The following SLC8A1 variants were observed in gnomAD, a reference collection of about 807,000 sequenced individuals.
SLC8A1 encodes the protein sodium/calcium exchanger 1.
Under a neutral mutation model 68.3 loss-of-function variants are expected in SLC8A1, and 18 were observed. The observed-to-expected ratio is 0.26, with a 90% CI of 0.18 to 0.39. SLC8A1 has a LOEUF of 0.39. SLC8A1 is among the 10% of genes least tolerant of loss of function. The probability of loss-of-function intolerance (pLI) is 1.00; values close to 1 mark genes in which losing one functional copy is unlikely to be tolerated. For synonymous variants in SLC8A1, 475 were observed against 415.5 expected (o/e 1.14, Z -1.74); for missense variants, 985 against 1,156.7 (o/e 0.85, Z 2.15).
At chr2:40,290,342 A>G (rs1031302425) in intron 2 of SLC8A1, among the ~76,000 whole-genome samples, 5 of 152,132 alleles carry the variant, frequency 3.3e-5, no homozygotes, top group Non-Finnish European at 4.4e-5. Context: ...TAGTTGACCC[A>G]TATATAGCAC....
intron 2 of SLC8A1, among the ~76,000 whole-genome samples, chr2:40,283,880 G>T (rs1055500865): frequency 6.6e-6 from 1 of 152,104 alleles, no homozygotes; most frequent in South Asian, 2.1e-4. Context: ...ATAAAAACTG[G>T]AACAGTCAGT....
chr2:40,194,185 A>C (rs2052469198), intron 2 of SLC8A1, among the ~76,000 whole-genome samples: 1 of 152,146 alleles, frequency 6.6e-6, no homozygotes, highest in Non-Finnish European at 1.5e-5. Flanking sequence ...TATTTTTATC[A>C]ACCGTGAGTA....
intron 2 of SLC8A1, among the ~76,000 whole-genome samples, chr2:40,408,032 A>G (rs1690921586): frequency 6.6e-6 from 1 of 152,224 alleles, no homozygotes; most frequent in Non-Finnish European, 1.5e-5. Context: ...ATAAAGTCAC[A>G]AATATGTTAC....
At chr2:40,175,459 T>A (rs1308998743) in intron 3 of SLC8A1, among the ~76,000 whole-genome samples, 178 bp from the exon 4 acceptor site, 1 of 152,010 alleles carries the variant, frequency 6.6e-6, no homozygotes, top group Non-Finnish European at 1.5e-5. Context: ...GAATAAACAA[T>A]CCCAACTGAA....
chr2:40,360,992 T>C (rs1193279836), intron 2 of SLC8A1, among the ~76,000 whole-genome samples: 2 of 150,442 alleles, frequency 1.3e-5, no homozygotes, highest in Admixed American at 6.6e-5. Flanking sequence ...TCTCATTCCA[T>C]GAAAAGAGCA....
At chr2:40,479,073 C>T (rs1267837867) in intron 1 of SLC8A1, among the ~76,000 whole-genome samples, 2 of 152,102 alleles carry the variant, frequency 1.3e-5, no homozygotes, top group Non-Finnish European at 2.9e-5. Flanking sequence ...CGCCCGGCCT[C>T]AACCACCTAA....
At chr2:40,332,119 G>C (rs1042946391) in intron 2 of SLC8A1, among the ~76,000 whole-genome samples, 1 of 151,986 alleles carries the variant, frequency 6.6e-6, no homozygotes, top group East Asian at 2.0e-4. Flanking sequence ...CTGGCAGTGA[G>C]TTTTCTAAAC....
chr2:40,204,546 C>T (rs1345172275), intron 2 of SLC8A1, among the ~76,000 whole-genome samples: 1 of 151,954 alleles, frequency 6.6e-6, no homozygotes, highest in Non-Finnish European at 1.5e-5. Flanking sequence ...CAAAGCCCAA[C>T]CAGTAAGAGA....
intron 2 of SLC8A1, among the ~76,000 whole-genome samples, chr2:40,415,340 T>G (rs1192697656): frequency 6.6e-6 from 1 of 152,040 alleles, no homozygotes; most frequent in African/African-American, 2.4e-5. Flanking sequence ...GGCAACACTT[T>G]GCTCACAATC....
At chr2:40,206,912 G>A (rs2055561203) in intron 2 of SLC8A1, among the ~76,000 whole-genome samples, 1 of 152,048 alleles carries the variant, frequency 6.6e-6, no homozygotes, top group Non-Finnish European at 1.5e-5. Context: ...GGCACAAAAT[G>A]TGAATTCATG....
At chr2:40,203,738 T>C (rs1235042708) in intron 2 of SLC8A1, among the ~76,000 whole-genome samples, 2 of 151,974 alleles carry the variant, frequency 1.3e-5, no homozygotes, top group Non-Finnish European at 2.9e-5. Flanking sequence ...CAGGGTCTTG[T>C]TTTGTCACCC....
chr2:40,216,281 T>C (rs1213057229), intron 2 of SLC8A1, among the ~76,000 whole-genome samples: 2 of 152,156 alleles, frequency 1.3e-5, no homozygotes, highest in Admixed American at 6.5e-5. Flanking sequence ...CTGAGTTAGT[T>C]TGCTGAAGAT....
intron 1 of SLC8A1, among the ~76,000 whole-genome samples, chr2:40,463,997 CA>C (rs1211884967): frequency 6.6e-6 from 1 of 152,046 alleles, no homozygotes; most frequent in Admixed American, 6.6e-5. Flanking sequence ...CAGGTTCTAG[CA>C]ATTCTCCTGT....
intron 2 of SLC8A1, among the ~76,000 whole-genome samples, chr2:40,334,894 G>A (rs1447452357): frequency 2.0e-5 from 3 of 152,188 alleles, no homozygotes; most frequent in South Asian, 2.1e-4. Flanking sequence ...TTTAGGGGGT[G>A]AGGGGGCAGC....
chr2:40,356,584 C>T (rs145193702), intron 2 of SLC8A1, among the ~76,000 whole-genome samples: 5 of 148,292 alleles, frequency 3.4e-5, no homozygotes, highest in South Asian at 2.1e-4. Flanking sequence ...TTCAAAATCA[C>T]GTATGGTCCA....
intron 2 of SLC8A1, among the ~76,000 whole-genome samples, chr2:40,283,814 A>G (rs989622640): frequency 2.0e-5 from 3 of 152,178 alleles, no homozygotes; most frequent in African/African-American, 7.2e-5. Context: ...ACACGGTTAG[A>G]CTTTCATTGA....
intron 2 of SLC8A1, among the ~76,000 whole-genome samples, chr2:40,260,187 A>G (rs1457532488): frequency 6.6e-6 from 1 of 152,008 alleles, no homozygotes; most frequent in South Asian, 2.1e-4. Context: ...TCTCTCTTTC[A>G]TTCCTTATAA....
At chr2:40,266,185 C>T (rs773870827) in intron 2 of SLC8A1, among the ~76,000 whole-genome samples, 10 of 152,104 alleles carry the variant, frequency 6.6e-5, no homozygotes, top group Admixed American at 1.3e-4. Flanking sequence ...TATAAGGATG[C>T]CTTTTCTGGG....
intron 2 of SLC8A1, among the ~76,000 whole-genome samples, chr2:40,244,214 G>A (rs2061554076): frequency 6.6e-6 from 1 of 152,156 alleles, no homozygotes; most frequent in African/African-American, 2.4e-5. Flanking sequence ...TAAATACACT[G>A]CACTCTTGGT....
Sources: gnomAD v4.1 joint callset for allele counts (sites outside exome capture counted in the v4.1 genomes callset) on GRCh38, gnomAD v4.1.1 for gene constraint, MANE v1.5 for transcripts, NCBI Gene and HGNC (gene_info 2026-07-23, HGNC 2026-07-21) for gene names.